The following FERMT1 variants were observed in gnomAD, a reference collection of about 807,000 sequenced individuals.
FERMT1 encodes fermitin family homolog 1.
In FERMT1, 60 loss-of-function variants were observed where a neutral mutation model predicts 85.3. That is an observed-to-expected ratio of 0.70 (90% confidence interval 0.57 to 0.87). FERMT1 has a LOEUF of 0.87. Among genes scored for constraint, FERMT1 ranks in the 40% least tolerant of loss-of-function variants. FERMT1 has a pLI of 0.00. For missense variants in FERMT1, 701 were observed against 818.9 expected (o/e 0.86, Z 1.76); for synonymous variants, 275 against 301.1 (o/e 0.91, Z 0.90).
chr20:6,115,868 G>T lies in FERMT1; in HGVS notation c.328C>A (p.Arg110=). The change falls in exon 3 of 15, where the codon CGA becomes AGA. Residue 110 remains arginine (R), a synonymous_variant. Transcript: ENST00000217289. ...RLPNLKMVRL[R]VSFSAVVFKA... ...AAAACCACAGCTGAGAAGCTGACTCGCAACCTCACCATCTTCAAATTCGGC... is the reference window on the plus strand; with the variant it reads ...AAAACCACAGCTGAGAAGCTGACTCTCAACCTCACCATCTTCAAATTCGGC... The T allele has an allele frequency of 6.2e-7, 1 of 1,614,142 alleles. No homozygotes were observed. The highest frequency in any genetic ancestry group is 8.5e-7 in the Non-Finnish European group (1 of 1,180,028).
rs1383189981 is a variant in FERMT1 at position 6,075,054 on chromosome 20, T to C, written c.*2119A>G. The C allele has an allele frequency of 6.6e-6, 1 of 151,576 alleles. No individual in the cohort carries two copies. The highest frequency in any genetic ancestry group is 2.4e-5 in the African/African-American group (1 of 41,068). 9.4% of individuals were successfully genotyped at this position (151,576 alleles called of 1,614,324 possible). On this transcript the variant is annotated 3_prime_UTR_variant, in exon 15 of 15. Transcript: ENST00000217289. ...GAACAGTAGCATTTAGGTTTGTTTT[T>C]TTTTTTTTTTGTCACACTTGTTTAT... is the stretch of plus-strand genomic sequence containing the variant.
At chr20:6,083,475 C>G (rs961112302) in intron 13 of FERMT1, among the ~76,000 whole-genome samples, 5 of 151,946 alleles carry the variant, frequency 3.3e-5, no homozygotes. Flanking sequence ...AAAAACCTAA[C>G]AATTCTGCAA....
At position 6,116,054 on chromosome 20, in the gene FERMT1, T is replaced by C. The variant is rs1983089388; in HGVS notation, c.152-10A>G. On this transcript the variant is annotated splice_polypyrimidine_tract_variant and intron_variant, in intron 2 of 14. Coordinates refer to ENST00000217289, the MANE Select transcript of FERMT1 (RefSeq NM_017671.5). ...CAGTCTTGGGATATATCTGCAAAAA[T>C]GAAAGCACAATTAAGTAAAATGAGA... The C allele has an allele frequency of 1.3e-6, 2 of 1,595,768 alleles. No individual in the cohort carries two copies. Among genetic ancestry groups the C allele is most frequent in the East Asian group, 2.2e-5 (1 of 44,818 alleles).
intron 4 of FERMT1, 120 bp downstream of exon 4, chr20:6,112,357 C>T: frequency 1.0e-6 from 1 of 1,003,704 alleles, no homozygotes; most frequent in Non-Finnish European, 1.6e-6. Context: ...AGCCTTTCCT[C>T]ATCACATCAG....
Position 6,115,977 on chromosome 20 carries a change from G to A in FERMT1, c.219C>T (p.Thr73=), listed in dbSNP as rs574151559. 1.2e-5 allele frequency: 20 copies of A among 1,614,160 alleles called. No individual in the cohort carries two copies. The African/African-American group carries it at 2.5e-4, about 20-fold the overall frequency. Residue 73 remains threonine, a synonymous_variant, in exon 3 of 15, where the codon ACC becomes ACT. Transcript: ENST00000217289. Reference sequence around the variant, plus strand: ...CCCCATATTTGTCCAGGGTCCAGTGGGTTTTCAGAAGCCAGCAATGCTTCT... The same window carrying A: ...CCCCATATTTGTCCAGGGTCCAGTGAGTTTTCAGAAGCCAGCAATGCTTCT... The part of the protein sequence containing the change: ...WEQKHCWLLK[T]HWTLDKYGVQ...
chr20:6,091,119 C>T (rs1203237769), intron 9 of FERMT1, among the ~76,000 whole-genome samples: 3 of 151,878 alleles, frequency 2.0e-5, no homozygotes, highest in Non-Finnish European at 2.9e-5. Context: ...GCCGAGATCA[C>T]GCCACCGCAC....
At position 6,119,440 on chromosome 20, in the gene FERMT1, C is replaced by T. The variant is rs749427526; in HGVS notation, c.115G>A (p.Val39Ile). 11 of 1,614,156 alleles carry T rather than the reference C, an allele frequency of 6.8e-6. No individual in the cohort carries two copies. The highest frequency in any genetic ancestry group is 4.4e-5 in the South Asian group (4 of 91,084). Reference protein sequence around the residue: ...VTLRVSGDLHVGGVMLKLVEQ... With the variant: ...VTLRVSGDLHIGGVMLKLVEQ... ...ACTAACTTGAGCATCACTCCTCCAA[C>T]ATGAAGGTCTCCAGATACTCTCAGT... Residue 39 changes from valine (V) to isoleucine (I), a missense_variant, in exon 2 of 15, where the codon GTT becomes ATT. Physicochemically the swap from Val to Ile is conservative, Grantham distance 29 (BLOSUM62 3). Transcript: ENST00000217289.
intron 14 of FERMT1, among the ~76,000 whole-genome samples, chr20:6,078,149 T>A (rs1981885438): frequency 6.6e-6 from 1 of 152,246 alleles, no homozygotes; most frequent in African/African-American, 2.4e-5. Context: ...CTTTAAAAAT[T>A]ACTAATGGTT....
intron 3 of FERMT1, among the ~76,000 whole-genome samples, chr20:6,115,499 T>C (rs1226371392): frequency 6.6e-6 from 1 of 152,224 alleles, no homozygotes; most frequent in Non-Finnish European, 1.5e-5. Context: ...TTAAATACTG[T>C]ACAATAATGT....
At chr20:6,111,670 A>T (rs1352945249) in intron 4 of FERMT1, among the ~76,000 whole-genome samples, 1 of 93,890 alleles carries the variant, frequency 1.1e-5, no homozygotes, top group African/African-American at 3.8e-5. Flanking sequence ...AAATGAAGAA[A>T]GAAAGCCTCA....
chr20:6,088,644 T>C (rs1468072554), intron 10 of FERMT1, among the ~76,000 whole-genome samples: 3 of 144,306 alleles, frequency 2.1e-5, no homozygotes, highest in Admixed American at 1.4e-4. Context: ...TTTTTTTTTT[T>C]TGGAGACAGA....
At chr20:6,121,035 G>T (rs904340292) in intron 1 of FERMT1, among the ~76,000 whole-genome samples, 1 of 152,328 alleles carries the variant, frequency 6.6e-6, no homozygotes, top group Non-Finnish European at 1.5e-5. Flanking sequence ...CAGATAAATT[G>T]AATACTGCAA....
chr20:6,088,058 A>G (rs1319578610), intron 10 of FERMT1, among the ~76,000 whole-genome samples, 175 bp from the exon 11 acceptor site: 2 of 152,212 alleles, frequency 1.3e-5, no homozygotes, highest in Non-Finnish European at 2.9e-5. Flanking sequence ...AAATCTTATG[A>G]ACAATTAACA....
At chr20:6,092,779 C>G (rs372178568) in intron 9 of FERMT1, among the ~76,000 whole-genome samples, 27 of 152,268 alleles carry the variant, frequency 1.8e-4, no homozygotes, top group African/African-American at 6.0e-4. Context: ...CTGAAAGGTT[C>G]ATCTTCTATC....
intron 5 of FERMT1, 41 bp downstream of exon 5, chr20:6,110,257 G>A (rs776277482): frequency 3.9e-5 from 59 of 1,500,692 alleles, no homozygotes; most frequent in Admixed American, 1.0e-4. Flanking sequence ...TTACTGTGTC[G>A]GCACTAGCTC....
rs1374316602 is a variant in FERMT1, at chr20:6,089,025, C to A, written c.1204G>T (p.Ala402Ser). 1 of 1,610,590 alleles carries A rather than the reference C, an allele frequency of 6.2e-7. No individual in the cohort carries two copies. The highest frequency in any genetic ancestry group is 1.3e-5 in the African/African-American group (1 of 74,934). The change falls in exon 10 of 15, where the codon GCA (alanine) becomes TCA (serine). Residue 402 changes from alanine (A) to serine (S), a missense_variant. Ala to Ser is a moderately conservative substitution (Grantham distance 99). Coordinates refer to ENST00000217289, the MANE Select transcript of FERMT1 (RefSeq NM_017671.5). ...TCAAGTTCCTTATTTTTAAAGTATG[C>A]TATGGATGTGTCTTTAAAGATAAAC... Reference protein sequence around the residue: ...YWFIFKDTSIAYFKNKELEQG... With the variant: ...YWFIFKDTSISYFKNKELEQG...
In FERMT1 at chr20:6,076,199, G is replaced by A; in HGVS notation, c.*974C>T. 2 of 301,844 alleles carry A rather than the reference G, an allele frequency of 6.6e-6. No homozygotes were observed. The highest frequency in any genetic ancestry group is 3.1e-5 in the South Asian group (1 of 32,586). The allele number at this position is 301,844 out of a possible 1,614,324, so 18.7% of individuals were successfully genotyped here. A position where few individuals can be genotyped will look rare whatever the true frequency, so the allele number is the denominator to read the frequency against. On this transcript the variant is annotated 3_prime_UTR_variant, in exon 15 of 15. Coordinates refer to ENST00000217289, the MANE Select transcript of FERMT1 (RefSeq NM_017671.5). ...TAAAGCCCCTGTGGGGGCAGCCAGT[G>A]GGGAGCTGTCAGACCTTGGACATGG... is the stretch of plus-strand genomic sequence containing the variant.
intron 2 of FERMT1, among the ~76,000 whole-genome samples, chr20:6,116,979 A>G (rs547083192): frequency 6.6e-6 from 1 of 152,318 alleles, no homozygotes; most frequent in South Asian, 2.1e-4. Context: ...AAGTCCACAC[A>G]GAAGTACTGT....
chr20:6,116,089 G>A (rs948444472), intron 2 of FERMT1, 45 bp from the exon 3 acceptor site: 6 of 1,349,876 alleles, frequency 4.4e-6, no homozygotes, highest in Middle Eastern at 3.6e-4. Flanking sequence ...AGAGGGCCCA[G>A]CTTGGAGGGT....
Sources: allele counts gnomAD v4.1 joint callset (sites outside exome capture counted in the v4.1 genomes callset), GRCh38; gene constraint gnomAD v4.1.1; transcripts MANE v1.5; gene names NCBI Gene and HGNC (gene_info 2026-07-23, HGNC 2026-07-21).